GPR39: variants seen among roughly 807,000 people sequenced by gnomAD.
The protein encoded by GPR39 is zinc sensing receptor.
GPR39 carries 23 observed loss-of-function variants against 18.4 expected under a neutral mutation model. The observed-to-expected ratio is 1.25, with a 90% CI of 0.90 to 1.77. GPR39 has a LOEUF of 1.77. Among genes scored for constraint, GPR39 ranks in the 40% most tolerant of loss-of-function variants. The pLI, the probability that GPR39 is intolerant of heterozygous loss-of-function variation, is 0.00. For synonymous variants in GPR39, 280 were observed against 257.9 expected (o/e 1.09, Z -0.82); for missense variants, 647 against 602.4 (o/e 1.07, Z -0.78).
intron 1 of GPR39, among the ~76,000 whole-genome samples, chr2:132,449,576 T>G (rs1680598794): frequency 6.6e-6 from 1 of 152,206 alleles, no homozygotes; most frequent in Non-Finnish European, 1.5e-5. Context: ...GGAAGCTGTT[T>G]GAATTTTCAT....
chr2:132,609,761 A>T (rs984198045), intron 1 of GPR39, among the ~76,000 whole-genome samples: 2 of 152,182 alleles, frequency 1.3e-5, no homozygotes, highest in African/African-American at 4.8e-5. Flanking sequence ...GACATGTTCA[A>T]AACAAATCTG....
chr2:132,466,499 C>T (rs1255287030), intron 1 of GPR39, among the ~76,000 whole-genome samples: 1 of 152,140 alleles, frequency 6.6e-6, no homozygotes, highest in African/African-American at 2.4e-5. Context: ...ATTCCCAGGG[C>T]CAGGGTTGAC....
At chr2:132,490,877 T>G (rs1457415699) in intron 1 of GPR39, among the ~76,000 whole-genome samples, 1 of 152,094 alleles carries the variant, frequency 6.6e-6, no homozygotes, top group Non-Finnish European at 1.5e-5. Flanking sequence ...ATATCCACCC[T>G]GGTTGGAGGG....
At chr2:132,513,116 G>A (rs1008457827) in intron 1 of GPR39, among the ~76,000 whole-genome samples, 10 of 152,204 alleles carry the variant, frequency 6.6e-5, no homozygotes, top group Middle Eastern at 3.4e-3. Context: ...TGTGGTCTCC[G>A]TGTGACACAT....
rs3219552 is a variant in GPR39 at position 132,451,174 on chromosome 2, T to TGTGTGTGTGTGTGTGTGCGC, written c.856+33277_856+33278insTGTGTGTGTGTGTGTGCGCG. On this transcript the variant is annotated intron_variant, in intron 1 of 1. Transcript: ENST00000329321. ...GTGTGTGTGTGTGTGTGTGTGTGTG[T>TGTGTGTGTGTGTGTGTGCGC]GCACGCGCGTGAAATGCTTTGCCCT... Among the ~76,000 whole-genome samples, 6 of 150,464 alleles carry TGTGTGTGTGTGTGTGTGCGC rather than the reference T, an allele frequency of 4.0e-5. No individual in the cohort carries two copies. The South Asian group carries it at 8.4e-4, about 21-fold the overall frequency.
intron 1 of GPR39, among the ~76,000 whole-genome samples, chr2:132,570,995 C>T (rs909879605): frequency 6.6e-6 from 1 of 152,186 alleles, no homozygotes; most frequent in Non-Finnish European, 1.5e-5. Context: ...GGCTTCTGCT[C>T]AGTGCGCTGT....
intron 1 of GPR39, among the ~76,000 whole-genome samples, chr2:132,612,292 C>G (rs1185155712): frequency 1.3e-5 from 2 of 151,730 alleles, no homozygotes; most frequent in Admixed American, 1.3e-4. Flanking sequence ...CTTTTGACAC[C>G]CCCTCAACAG....
intron 1 of GPR39, among the ~76,000 whole-genome samples, chr2:132,631,844 A>T: frequency 6.9e-6 from 1 of 143,914 alleles, no homozygotes; most frequent in Non-Finnish European, 1.5e-5. Context: ...TTTTTCTGAG[A>T]CTGATTCTCA....
intron 1 of GPR39, among the ~76,000 whole-genome samples, chr2:132,541,160 T>G (rs1311781727): frequency 2.0e-5 from 3 of 152,198 alleles, no homozygotes; most frequent in Non-Finnish European, 4.4e-5. Flanking sequence ...CTCGGCTCAC[T>G]GCAACCTCCG....
chr2:132,563,111 A>T (rs115769981), intron 1 of GPR39, among the ~76,000 whole-genome samples: 11,217 of 152,196 alleles, frequency 0.074, 1,395 homozygotes, highest in African/African-American at 0.25. Context: ...AGGGATAAGG[A>T]TACAACTAAG....
intron 1 of GPR39, among the ~76,000 whole-genome samples, chr2:132,475,632 A>G (rs1275769098): frequency 1.3e-5 from 2 of 152,060 alleles, no homozygotes; most frequent in East Asian, 3.9e-4. Flanking sequence ...TGATTGTGAC[A>G]TACGAGACAG....
intron 1 of GPR39, among the ~76,000 whole-genome samples, chr2:132,491,957 G>A (rs888750735): frequency 6.6e-6 from 1 of 151,552 alleles, no homozygotes; most frequent in African/African-American, 2.4e-5. Context: ...CTAGCACATA[G>A]TAAGTGCTCA....
Position 132,417,433 on chromosome 2 carries a change from T to C in GPR39, c.391T>C (p.Phe131Leu). Residue 131 changes from phenylalanine (F) to leucine (L), a missense_variant, in exon 1 of 2, where the codon TTT becomes CTT. Physicochemically the swap from Phe to Leu is conservative, Grantham distance 22 (BLOSUM62 0). Around this residue, in one of 3 missense-constraint regions of GPR39, gnomAD observed 581 missense variants for 506.8 expected, o/e 1.15. Coordinates refer to ENST00000329321, the MANE Select transcript of GPR39 (RefSeq NM_001508.3). ...GCTGCTGCACGTGCTGACACTCAGCTTTGAGCGCTACATCGCCATCTGTCA... is the reference window on the plus strand; with the variant it reads ...GCTGCTGCACGTGCTGACACTCAGCCTTGAGCGCTACATCGCCATCTGTCA... Reference protein sequence around the residue: ...ATLLHVLTLSFERYIAICHPF... With the variant: ...ATLLHVLTLSLERYIAICHPF... 1 of 1,614,172 alleles carries C rather than the reference T, an allele frequency of 6.2e-7. No individual in the cohort carries two copies. The highest frequency in any genetic ancestry group is 8.5e-7 in the Non-Finnish European group (1 of 1,180,022).
chr2:132,562,200 G>A (rs1003769099), intron 1 of GPR39, among the ~76,000 whole-genome samples: 1 of 151,898 alleles, frequency 6.6e-6, no homozygotes, highest in African/African-American at 2.4e-5. Context: ...GTGCATCCAA[G>A]GTTAAGAGCC....
intron 1 of GPR39, among the ~76,000 whole-genome samples, chr2:132,584,695 C>T (rs1558848335): frequency 6.6e-6 from 1 of 152,018 alleles, no homozygotes; most frequent in Non-Finnish European, 1.5e-5. Flanking sequence ...CTTCTAGAGG[C>T]TTCTAAGAAA....
rs904622133 is a variant in GPR39 at position 132,439,145 on chromosome 2, C to T, written c.856+21247C>T. ...TCATGCTCCACCTGGCCATTCGTAA[C>T]AAGCATTAGATGTGAAATTTGATTT... On this transcript the variant is annotated intron_variant, in intron 1 of 1. Coordinates refer to ENST00000329321, the MANE Select transcript of GPR39 (RefSeq NM_001508.3). Among the ~76,000 whole-genome samples the T allele has an allele frequency of 2.6e-5, 4 of 152,282 alleles. No homozygotes were observed. In the East Asian group the frequency reaches 7.7e-4, roughly 29 times the overall value.
intron 1 of GPR39, among the ~76,000 whole-genome samples, chr2:132,621,802 A>G (rs10182775): frequency 0.039 from 5,922 of 152,260 alleles, 389 homozygotes; most frequent in African/African-American, 0.13. Flanking sequence ...GCGTGAATTT[A>G]TAAAACCCCA....
intron 1 of GPR39, among the ~76,000 whole-genome samples, chr2:132,522,270 T>C (rs1679438866): frequency 6.6e-6 from 1 of 152,202 alleles, no homozygotes; most frequent in African/African-American, 2.4e-5. Context: ...TAATTTTTCC[T>C]CTAAAATGAT....
At chr2:132,470,761 G>A (rs538018540) in intron 1 of GPR39, among the ~76,000 whole-genome samples, 8 of 148,976 alleles carry the variant, frequency 5.4e-5, no homozygotes, top group South Asian at 2.1e-4. Context: ...GCACGGAAAG[G>A]CTTCCTGGGT....
Sources: gnomAD v4.1 joint callset for allele counts (sites outside exome capture counted in the v4.1 genomes callset) on GRCh38, gnomAD v4.1.1 for gene constraint, gnomAD v4.1.1 regional missense constraint, MANE v1.5 for transcripts, NCBI Gene and HGNC (gene_info 2026-07-23, HGNC 2026-07-21) for gene names.